STRN: variants seen among roughly 807,000 people sequenced by gnomAD.
The protein encoded by STRN is protein phosphatase 2 regulatory subunit B'''alpha.
Under a neutral mutation model 96.3 loss-of-function variants are expected in STRN, and 53 were observed. The observed-to-expected ratio is 0.55, with a 90% confidence interval of 0.44 to 0.69. The LOEUF (loss-of-function observed/expected upper bound fraction) is 0.69. STRN is among the 30% of genes least tolerant of loss of function. The probability of loss-of-function intolerance (pLI) is 0.00; values close to 1 mark genes in which losing one functional copy is unlikely to be tolerated. For synonymous variants in STRN, 428 were observed against 355.9 expected (o/e 1.20, Z -2.28); for missense variants, 987 against 963.9 (o/e 1.02, Z -0.32).
intron 1 of STRN, among the ~76,000 whole-genome samples, chr2:36,925,826 TAC>T (rs1670394713): frequency 1.3e-5 from 2 of 152,184 alleles, no homozygotes; most frequent in South Asian, 4.1e-4. Context: ...AGGTGTACAG[TAC>T]AGTTTGCTAA....
intron 3 of STRN, among the ~76,000 whole-genome samples, chr2:36,914,090 A>C (rs554911272): frequency 6.6e-6 from 1 of 152,254 alleles, no homozygotes; most frequent in South Asian, 2.1e-4. Flanking sequence ...CCTGAGCCCA[A>C]GTGATCCTTT....
chr2:36,905,645 C>A (rs1318978608), intron 3 of STRN, 27 bp from the exon 4 acceptor site: 7 of 1,602,060 alleles, frequency 4.4e-6, no homozygotes, highest in African/African-American at 4.0e-5. Flanking sequence ...CATAATAAAA[C>A]TGACTTGTTT....
At chr2:36,885,184 A>AATGCCTTGATATTTG (rs1457760449) in intron 8 of STRN, among the ~76,000 whole-genome samples, 1 of 152,196 alleles carries the variant, frequency 6.6e-6, no homozygotes, top group African/African-American at 2.4e-5. Context: ...CAACTACAGC[A>AATGCCTTGATATTTG]ATGCCTTGAT....
At chr2:36,873,695 A>G (rs1185273167) in intron 10 of STRN, among the ~76,000 whole-genome samples, 3 of 152,196 alleles carry the variant, frequency 2.0e-5, no homozygotes, top group African/African-American at 4.8e-5. Flanking sequence ...CTGTAATCCC[A>G]GCACTTTGGG....
At position 36,849,353 on chromosome 2, in the gene STRN, G is replaced by C. The variant is rs148054357; in HGVS notation, c.*103C>G. ...AAATGTTCTCTGTGCTCCTTCAGCA[G>C]AACAAAAGGGCAGGACGAGATGATT... On this transcript the variant is annotated 3_prime_UTR_variant, in exon 18 of 18. Transcript: ENST00000263918. The C allele has an allele frequency of 4.8e-4, 650 of 1,350,222 alleles. 7 individuals carry two copies. In the Admixed American group the frequency reaches 7.1e-3, roughly 15 times the overall value. The allele number at this position is 1,350,222 out of a possible 1,614,324, so 83.6% of individuals were successfully genotyped here.
chr2:36,876,879 T>C (rs982109580), intron 10 of STRN, among the ~76,000 whole-genome samples: 1 of 151,636 alleles, frequency 6.6e-6, no homozygotes, highest in African/African-American at 2.4e-5. Context: ...TCCCGAGTAG[T>C]TGGGACTACA....
chr2:36,868,944 G>A (rs1456824126), intron 11 of STRN, among the ~76,000 whole-genome samples: 1 of 150,284 alleles, frequency 6.7e-6, no homozygotes, highest in Non-Finnish European at 1.5e-5. Flanking sequence ...AGTAGAACCA[G>A]ATTTAGCTTT....
intron 12 of STRN, among the ~76,000 whole-genome samples, chr2:36,861,830 T>C (rs1029264530): frequency 6.6e-6 from 1 of 152,060 alleles, no homozygotes; most frequent in Non-Finnish European, 1.5e-5. Flanking sequence ...ATAGATAAAT[T>C]GCATGCCTTG....
At chr2:36,876,361 T>C (rs576612761) in intron 10 of STRN, among the ~76,000 whole-genome samples, 3 of 152,186 alleles carry the variant, frequency 2.0e-5, no homozygotes, top group African/African-American at 4.8e-5. Context: ...ATGGTTATTG[T>C]AGTAGCTCTG....
In STRN at chr2:36,941,518, G is replaced by A. The variant is rs1166556425; in HGVS notation, c.235-16310C>T. ...CATTTCTCAAGATGAACAGAATCATGGTGCAAAATTTTATAACTTATTTTC... is the reference window on the plus strand; with the variant it reads ...CATTTCTCAAGATGAACAGAATCATAGTGCAAAATTTTATAACTTATTTTC... On this transcript the variant is annotated intron_variant, in intron 1 of 17. Transcript: ENST00000263918. 2.0e-5 allele frequency among the ~76,000 whole-genome samples: 3 copies of A among 151,420 alleles called. No homozygotes were observed. In the East Asian group the frequency reaches 5.8e-4, roughly 29 times the overall value.
intron 1 of STRN, among the ~76,000 whole-genome samples, chr2:36,950,045 C>CAG (rs1173313035): frequency 2.0e-5 from 3 of 151,568 alleles, no homozygotes; most frequent in Non-Finnish European, 4.4e-5. Flanking sequence ...AACAAAGGAA[C>CAG]AGAGAGAGAG....
intron 3 of STRN, among the ~76,000 whole-genome samples, chr2:36,906,539 T>C (rs762607192): frequency 2.0e-5 from 3 of 152,018 alleles, no homozygotes; most frequent in Non-Finnish European, 2.9e-5. Flanking sequence ...AACAAAATAC[T>C]GAGGAATGAT....
intron 3 of STRN, among the ~76,000 whole-genome samples, chr2:36,907,117 T>G (rs1669840798): frequency 6.6e-6 from 1 of 152,216 alleles, no homozygotes; most frequent in East Asian, 1.9e-4. Flanking sequence ...ATACTATGGT[T>G]CTACATTAAC....
At chr2:36,947,771 T>A (rs1463851576) in intron 1 of STRN, among the ~76,000 whole-genome samples, 3 of 151,698 alleles carry the variant, frequency 2.0e-5, no homozygotes, top group African/African-American at 7.2e-5. Flanking sequence ...AACTACAAAT[T>A]AAAAAGTTTA....
intron 6 of STRN, among the ~76,000 whole-genome samples, chr2:36,895,708 G>C: frequency 6.7e-6 from 1 of 150,042 alleles, no homozygotes; most frequent in East Asian, 2.0e-4. Flanking sequence ...TCAGGAGGTG[G>C]AGACCCTCCT....
chr2:36,882,826 T>C (rs1296481775), intron 9 of STRN, among the ~76,000 whole-genome samples: 1 of 152,106 alleles, frequency 6.6e-6, no homozygotes, highest in East Asian at 1.9e-4. Context: ...TCCTCCCACC[T>C]CAGCCTCCCA....
intron 7 of STRN, among the ~76,000 whole-genome samples, chr2:36,888,121 A>G (rs1161569251): frequency 6.6e-6 from 1 of 152,138 alleles, no homozygotes. Context: ...ACTCCACATA[A>G]AATATATCAG....
At chr2:36,961,428 C>G (rs1248950997) in intron 1 of STRN, among the ~76,000 whole-genome samples, 1 of 152,056 alleles carries the variant, frequency 6.6e-6, no homozygotes, top group Non-Finnish European at 1.5e-5. Context: ...GCACCTGGCC[C>G]TCTAAAAACT....
intron 1 of STRN, among the ~76,000 whole-genome samples, chr2:36,925,983 T>C (rs940173099): frequency 1.3e-5 from 2 of 152,118 alleles, no homozygotes; most frequent in Admixed American, 1.3e-4. Context: ...ATTTTGGACC[T>C]CCCCTACAAA....
Sources: gnomAD v4.1 joint callset for allele counts (sites outside exome capture counted in the v4.1 genomes callset) on GRCh38, gnomAD v4.1.1 for gene constraint, MANE v1.5 for transcripts, NCBI Gene and HGNC (gene_info 2026-07-23, HGNC 2026-07-21) for gene names.